WDR47: variants seen among roughly 807,000 people sequenced by gnomAD.
The protein encoded by WDR47 is WD repeat domain 47, also known as WD repeat-containing protein 47.
A neutral mutation model predicts 97.2 loss-of-function variants in WDR47; 32 were observed. The observed-to-expected ratio is 0.33, with a 90% confidence interval of 0.25 to 0.44. The LOEUF is 0.44. Ranked by LOEUF, WDR47 falls within the 20% of genes least tolerant of loss-of-function variation. The probability of loss-of-function intolerance (pLI) is 1.00; values close to 1 mark genes in which losing one functional copy is unlikely to be tolerated. For missense variants in WDR47, 782 were observed against 1,102.3 expected (o/e 0.71, Z 4.11); for synonymous variants, 375 against 373.5 (o/e 1.00, Z -0.05).
intron 1 of WDR47, among the ~76,000 whole-genome samples, 162 bp from the exon 2 acceptor site, chr1:109,023,683 T>A (rs1662007728): frequency 6.6e-6 from 1 of 152,228 alleles, no homozygotes; most frequent in African/African-American, 2.4e-5. Flanking sequence ...TTCTTTAATA[T>A]GTGACAATGG....
chr1:109,026,479 T>C (rs1315136398), intron 1 of WDR47, among the ~76,000 whole-genome samples: 3 of 152,146 alleles, frequency 2.0e-5, no homozygotes, highest in African/African-American at 7.2e-5. Context: ...TTTAGACAAT[T>C]CTTTTTTTTA....
intron 6 of WDR47, among the ~76,000 whole-genome samples, chr1:109,003,051 C>A (rs1487610436): frequency 6.6e-6 from 1 of 152,218 alleles, no homozygotes; most frequent in Non-Finnish European, 1.5e-5. Context: ...TATCGCAGCA[C>A]AATTCCCAGT....
In WDR47 at chr1:108,989,119, A is replaced by C. The variant is rs150161813; in HGVS notation, c.1767+2135T>G. 4.4e-3 allele frequency among the ~76,000 whole-genome samples: 666 copies of C among 152,248 alleles called. 6 individuals carry two copies. Among genetic ancestry groups the C allele is most frequent in the African/African-American group, 0.015 (641 of 41,548 alleles). ...TCTCTCTTCTGAAGAGAGATGCTGA[A>C]GCAGTTCTGTATAAAAGCTTTGGTG... On this transcript the variant is annotated intron_variant, in intron 9 of 14. Coordinates refer to ENST00000369962, the MANE Select transcript of WDR47 (RefSeq NM_001142551.2).
At chr1:109,007,974 C>T (rs1030905833) in intron 5 of WDR47, among the ~76,000 whole-genome samples, 4 of 151,670 alleles carry the variant, frequency 2.6e-5, no homozygotes, top group Non-Finnish European at 5.9e-5. Flanking sequence ...CAGTGGCGGG[C>T]GCCTGTAATC....
chr1:109,011,201 T>C lies in WDR47; in HGVS notation c.845A>G (p.Asp282Gly), dbSNP rs1364966300. Residue 282 changes from aspartate (D) to glycine (G), a missense_variant, in exon 5 of 15, where the codon GAT becomes GGT. This residue lies in a region of WDR47 where 428 missense variants were observed against 584.3 expected (regional missense o/e 0.73). Transcript: ENST00000369962. ...TTTGCTGATAAGAGGAGTCAAAAGA[T>C]CAGCATATGCAGCTTTTGTAGGTTT... is the stretch of plus-strand genomic sequence containing the variant. ...LLKPTKAAYA[D>G]LLTPLISKLS... 1 of 1,614,002 alleles carries C rather than the reference T, an allele frequency of 6.2e-7. No individual in the cohort carries two copies. Among genetic ancestry groups the C allele is most frequent in the Non-Finnish European group, 8.5e-7 (1 of 1,180,044 alleles).
chr1:108,994,826 AAAAT>A (rs1292315588), intron 8 of WDR47, among the ~76,000 whole-genome samples: 1 of 152,232 alleles, frequency 6.6e-6, no homozygotes, highest in African/African-American at 2.4e-5. Context: ...AAATAGTAAA[AAAAT>A]AAAAATTCAG....
chr1:109,004,190 G>A (rs6537733), intron 6 of WDR47, among the ~76,000 whole-genome samples: 61,693 of 151,372 alleles, frequency 0.41, 13,031 homozygotes, highest in East Asian at 0.64. Context: ...GCACAAACCC[G>A]GGAGGCGGAG....
chr1:109,041,541 G>A (rs1225267092), intron 1 of WDR47: 1 of 152,450 alleles, frequency 6.6e-6, no homozygotes, highest in Non-Finnish European at 1.5e-5. Context: ...TTGCTGCTCA[G>A]TGCCAGGGCG....
At chr1:109,024,180 A>C (rs918635842) in intron 1 of WDR47, among the ~76,000 whole-genome samples, 1 of 152,236 alleles carries the variant, frequency 6.6e-6, no homozygotes, top group African/African-American at 2.4e-5. Context: ...GGGCAGGTGT[A>C]GTGGCGTACG....
At chr1:109,014,725 G>C (rs1264700590) in intron 3 of WDR47, among the ~76,000 whole-genome samples, 2 of 152,130 alleles carry the variant, frequency 1.3e-5, no homozygotes, top group Non-Finnish European at 2.9e-5. Context: ...ATGAGCCACT[G>C]CACCTGGTCC....
At chr1:108,976,920 G>A (rs1260298410) in intron 13 of WDR47, among the ~76,000 whole-genome samples, 8 of 152,192 alleles carry the variant, frequency 5.3e-5, no homozygotes, top group Non-Finnish European at 1.2e-4. Flanking sequence ...GCAGGCTCCT[G>A]TAGGTCGTGA....
intron 13 of WDR47, among the ~76,000 whole-genome samples, chr1:108,979,855 G>T (rs1423396341): frequency 6.6e-6 from 1 of 152,064 alleles, no homozygotes; most frequent in African/African-American, 2.4e-5. Context: ...TCTTAAACCA[G>T]GGGTCCCCAA....
At chr1:109,023,943 TAACCA>T (rs1428194474) in intron 1 of WDR47, among the ~76,000 whole-genome samples, 3 of 152,204 alleles carry the variant, frequency 2.0e-5, no homozygotes, top group African/African-American at 7.2e-5. Context: ...AAGTCATTAA[TAACCA>T]AACCATGTTT....
chr1:108,979,981 A>C (rs1416333363), intron 13 of WDR47, among the ~76,000 whole-genome samples: 1 of 152,164 alleles, frequency 6.6e-6, no homozygotes, highest in Non-Finnish European at 1.5e-5. Context: ...CTGTCAGATC[A>C]GTGGTGGCAT....
Position 109,004,681 on chromosome 1 carries a change from T to C in WDR47, c.1165A>G (p.Ser389Gly), listed in dbSNP as rs775544688. 17 of 1,613,582 alleles carry C rather than the reference T, an allele frequency of 1.1e-5. No individual in the cohort carries two copies. Among genetic ancestry groups the C allele is most frequent in the Non-Finnish European group, 1.4e-5 (17 of 1,179,790 alleles). Reference sequence around the variant, plus strand: ...ACTGAACTCTGGCCCAAGATTTCACTGCCGATAGGCCTCTGTGCATCAACA... The same window carrying C: ...ACTGAACTCTGGCCCAAGATTTCACCGCCGATAGGCCTCTGTGCATCAACA... ...TPVDAQRPIG[S>G]EILGQSSVSE... Residue 389 changes from serine (S) to glycine (G), a missense_variant, in exon 6 of 15, where the codon AGT becomes GGT. Coordinates refer to ENST00000369962, the MANE Select transcript of WDR47 (RefSeq NM_001142551.2).
intron 8 of WDR47, chr1:108,992,313 C>G: frequency 1.3e-6 from 1 of 774,476 alleles, no homozygotes; most frequent in South Asian, 1.4e-5. Context: ...CCGGAGAACC[C>G]CACGGAATCA....
At position 109,011,784 on chromosome 1, in the gene WDR47, C is replaced by T. The variant is rs1324572628; in HGVS notation, c.328-66G>A. 3.5e-6 allele frequency: 5 copies of T among 1,413,892 alleles called. No individual in the cohort carries two copies. In the Admixed American group the frequency reaches 6.8e-5, roughly 19 times the overall value. The allele number at this position is 1,413,892 out of a possible 1,614,324, so 87.6% of individuals were successfully genotyped here. Reference sequence around the variant, plus strand: ...AACATGCTATGAAATATGAAAACGACAAGAGTACAAAGAATAAATTATATT... The same window carrying T: ...AACATGCTATGAAATATGAAAACGATAAGAGTACAAAGAATAAATTATATT... On this transcript the variant is annotated intron_variant, in intron 4 of 14. Coordinates refer to ENST00000369962, the MANE Select transcript of WDR47 (RefSeq NM_001142551.2).
intron 9 of WDR47, chr1:108,987,162 T>C (rs780283781): frequency 1.9e-4 from 35 of 185,062 alleles, no homozygotes; most frequent in Non-Finnish European, 2.8e-4. Context: ...GGATAGTTTC[T>C]AATGGTGTTT....
intron 13 of WDR47, among the ~76,000 whole-genome samples, chr1:108,975,112 G>A (rs75813575): frequency 6.6e-6 from 1 of 151,990 alleles, no homozygotes; most frequent in Non-Finnish European, 1.5e-5. Flanking sequence ...CCAGCTAAGA[G>A]TGTAGTTAAA....
Sources: gnomAD v4.1 joint callset for allele counts (sites outside exome capture counted in the v4.1 genomes callset) on GRCh38, gnomAD v4.1.1 for gene constraint, gnomAD v4.1.1 regional missense constraint, MANE v1.5 for transcripts, NCBI Gene and HGNC (gene_info 2026-07-23, HGNC 2026-07-21) for gene names.